Variants in PTPRU observed in about 807,000 individuals in gnomAD.
The protein encoded by PTPRU is receptor-type tyrosine-protein phosphatase U.
A neutral mutation model predicts 166.3 loss-of-function variants in PTPRU; 69 were observed. The observed-to-expected ratio is 0.41, with a 90% CI of 0.34 to 0.51. The LOEUF is 0.51. Among genes scored for constraint, PTPRU ranks in the 20% least tolerant of loss-of-function variants. PTPRU has a pLI of 0.09. For missense variants in PTPRU, 1,657 were observed against 2,013.7 expected (o/e 0.82, Z 3.39); for synonymous variants, 793 against 814.0 (o/e 0.97, Z 0.44).
rs1368088499 is a variant in PTPRU at position 29,238,000 on chromosome 1, G to T, written c.73+1283G>T. Among the ~76,000 whole-genome samples, 2 of 150,978 alleles carry T rather than the reference G, an allele frequency of 1.3e-5. No individual in the cohort carries two copies. The highest frequency in any genetic ancestry group is 2.4e-5 in the African/African-American group (1 of 41,172). The stretch of plus-strand genomic sequence containing the variant: ...CGCGCGGGGGACGCCCGGGCCTCCC[G>T]GGACACTCCCTTGGTGGAGCCTGCA... On this transcript the variant is annotated intron_variant, in intron 1 of 29. Coordinates refer to ENST00000373779, the MANE Select transcript of PTPRU (RefSeq NM_133178.4). The surrounding 1 kb of genome is among the most constrained non-coding windows in gnomAD (Gnocchi z 6.4).
In PTPRU at chr1:29,312,542, G is replaced by T. The variant is rs1687712832; in HGVS notation, c.3073-10G>T. ...AGGGACTCTGATTATTATTCCCATT[G>T]TCTCCCCAGAGAGGCTACTCTGCCC... On this transcript the variant is annotated splice_polypyrimidine_tract_variant and intron_variant, in intron 21 of 29. Transcript: ENST00000373779. 1 of 1,572,732 alleles carries T rather than the reference G, an allele frequency of 6.4e-7. No individual in the cohort carries two copies. Among genetic ancestry groups the T allele is most frequent in the Non-Finnish European group, 8.7e-7 (1 of 1,149,232 alleles).
intron 15 of PTPRU, among the ~76,000 whole-genome samples, chr1:29,295,559 A>G (rs1038618610): frequency 6.6e-6 from 1 of 152,144 alleles, no homozygotes; most frequent in Non-Finnish European, 1.5e-5. Flanking sequence ...ATCTTTTTTT[A>G]GATAGATGTC....
intron 11 of PTPRU, among the ~76,000 whole-genome samples, chr1:29,281,120 G>C (rs892558643): frequency 3.3e-5 from 5 of 152,118 alleles, no homozygotes; most frequent in East Asian, 1.9e-4. Context: ...CTTTAGGTGG[G>C]GGGGGTGTGA....
Position 29,326,229 on chromosome 1 carries a change from C to T in PTPRU, c.*568C>T, listed in dbSNP as rs142215987. The T allele has an allele frequency of 0.017, 3,873 of 225,644 alleles. 25 individuals are homozygous for T. Among genetic ancestry groups the T allele is most frequent in the Non-Finnish European group, 0.024 (2,800 of 116,044 alleles). The allele number at this position is 225,644 out of a possible 1,614,324, so 14.0% of individuals were successfully genotyped here. A position where few individuals can be genotyped will look rare whatever the true frequency, so the allele number is the denominator to read the frequency against. ...CCCAGGGGAACTGCAGCGCCCTCCT[C>T]CCCACTGCCCCCTGCAGCCCCTGAG... On this transcript the variant is annotated 3_prime_UTR_variant, in exon 30 of 30. Transcript: ENST00000373779.
intron 3 of PTPRU, 95 bp from the exon 4 acceptor site, chr1:29,259,146 GGGCTGACCTCTGCTAGTTGA>G: frequency 8.5e-7 from 1 of 1,172,190 alleles, no homozygotes; most frequent in Non-Finnish European, 1.2e-6. Flanking sequence ...AGTGTGAGCT[GGGCTGACCTCTGCTAGTTGA>G]GGCAGAGGAG....
chr1:29,311,617 T>C lies in PTPRU; in HGVS notation c.2956-26T>C. On this transcript the variant is annotated intron_variant, in intron 20 of 29. Transcript: ENST00000373779. The surrounding 1 kb of genome is among the most constrained non-coding windows in gnomAD (Gnocchi z 4.1). The stretch of plus-strand genomic sequence containing the variant: ...GCCAAGGGGGCAGCAAAGAGCCCAC[T>C]GAGTCCCGTCCTGTGGGGCCTCTAG... 2 of 1,613,870 alleles carry C rather than the reference T, an allele frequency of 1.2e-6. No homozygotes were observed. Among genetic ancestry groups the C allele is most frequent in the Non-Finnish European group, 1.7e-6 (2 of 1,179,758 alleles).
At chr1:29,325,475 C>T (rs912879532) in intron 29 of PTPRU, 124 bp from the exon 30 acceptor site, 42 of 1,506,262 alleles carry the variant, frequency 2.8e-5, no homozygotes, top group African/African-American at 1.4e-4. Flanking sequence ...CCATTTCTCC[C>T]TTCTCCCCGA....
rs1349769282 is a variant in PTPRU, at chr1:29,312,494, G to A, written c.3073-58G>A. 12 of 1,488,136 alleles carry A rather than the reference G, an allele frequency of 8.1e-6. No individual in the cohort carries two copies. In the East Asian group the frequency reaches 2.8e-4, roughly 34 times the overall value. 92.2% of individuals were successfully genotyped at this position (1,488,136 alleles called of 1,614,324 possible). A position where few individuals can be genotyped will look rare whatever the true frequency, so the allele number is the denominator to read the frequency against. On this transcript the variant is annotated intron_variant, in intron 21 of 29. Coordinates refer to ENST00000373779, the MANE Select transcript of PTPRU (RefSeq NM_133178.4). ...CTGCAGTGCCTGGCACACAGCAGGT[G>A]TCTAATGGTGACAGATGCTGCCAGG...
intron 8 of PTPRU, 30 bp from the exon 9 acceptor site, chr1:29,278,982 C>T (rs1685937116): frequency 2.0e-6 from 3 of 1,536,816 alleles, no homozygotes. Flanking sequence ...AGCCCACTTT[C>T]CCCTGGCCCC....
rs1390604943 is a variant in PTPRU, at chr1:29,279,013, G to A, written c.1455G>A (p.Val485=). ...KEVTFQTDED[V]PSGIAAESLT... ...GCCCCTGCTGCCTTTCCCTTGCAGT[G>A]CCCAGTGGGATTGCAGCCGAGTCCC... Residue 485 remains valine, a splice_region_variant and synonymous_variant, in exon 9 of 30, where the codon GTG becomes GTA. Coordinates refer to ENST00000373779, the MANE Select transcript of PTPRU (RefSeq NM_133178.4). This position sits in a 1 kb window ranked among gnomAD's most constrained non-coding sequence, Gnocchi z 5.2. 1 of 1,579,016 alleles carries A rather than the reference G, an allele frequency of 6.3e-7. No individual in the cohort carries two copies. The highest frequency in any genetic ancestry group is 1.8e-5 in the Admixed American group (1 of 55,042).
chr1:29,257,603 G>A lies in PTPRU; in HGVS notation c.206-902G>A, dbSNP rs925260907. On this transcript the variant is annotated intron_variant, in intron 2 of 29. Transcript: ENST00000373779. This position sits in a 1 kb window ranked among gnomAD's most constrained non-coding sequence, Gnocchi z 4.6. ...GGACAGGCTGCCTTTCTCCAGGTTG[G>A]AAGTCAAGGGGATTTGTATTCCAGG... Among the ~76,000 whole-genome samples, 2 of 152,224 alleles carry A rather than the reference G, an allele frequency of 1.3e-5. No individual in the cohort carries two copies. Among genetic ancestry groups the A allele is most frequent in the Admixed American group, 1.3e-4 (2 of 15,286 alleles).
Position 29,259,980 on chromosome 1 carries a change from C to T in PTPRU, c.786C>T (p.Tyr262=). The change falls in exon 6 of 30, where the codon TAC becomes TAT. Residue 262 remains tyrosine, a synonymous_variant. Coordinates refer to ENST00000373779, the MANE Select transcript of PTPRU (RefSeq NM_133178.4). ...AAVSRAEQDL[Y]RCVSQAPRGA... ...TGAGCCGCGCCGAGCAGGACCTGTA[C>T]CGCTGTGTGTCCCAGGCCCCGCGCG... The T allele has an allele frequency of 6.4e-7, 1 of 1,557,820 alleles. No individual in the cohort carries two copies. Among genetic ancestry groups the T allele is most frequent in the Non-Finnish European group, 8.6e-7 (1 of 1,159,584 alleles).
Position 29,279,459 on chromosome 1 carries a change from A to G in PTPRU, c.1567A>G (p.Ser523Gly), listed in dbSNP as rs776652943. ...PNGLITQYEI[S>G]YQSIESSDPA... ...TGCCTGCCAATCCTGCCCCCAGATC[A>G]GCTACCAGAGCATCGAGTCATCAGA... The change falls in exon 10 of 30, where the codon AGC becomes GGC. Residue 523 changes from serine to glycine, a missense_variant. By Grantham distance (56) the Ser-to-Gly change is moderately conservative. This residue lies in a region of PTPRU where 1,190 missense variants were observed against 1,477.4 expected (regional missense o/e 0.81). Coordinates refer to ENST00000373779, the MANE Select transcript of PTPRU (RefSeq NM_133178.4). The surrounding 1 kb of genome is among the most constrained non-coding windows in gnomAD (Gnocchi z 5.2). The G allele has an allele frequency of 1.2e-6, 2 of 1,614,020 alleles. No individual in the cohort carries two copies. The highest frequency in any genetic ancestry group is 1.7e-6 in the Non-Finnish European group (2 of 1,179,952).
At chr1:29,249,385 C>A (rs1684447385) in intron 1 of PTPRU, among the ~76,000 whole-genome samples, 1 of 152,276 alleles carries the variant, frequency 6.6e-6, no homozygotes. Flanking sequence ...GCCTGCCAGA[C>A]TGGGGAGATT....
chr1:29,248,215 C>G (rs1684383846), intron 1 of PTPRU, among the ~76,000 whole-genome samples: 1 of 152,032 alleles, frequency 6.6e-6, no homozygotes, highest in Non-Finnish European at 1.5e-5. Context: ...GGATGGGGTT[C>G]AAATGCATGA....
Position 29,279,657 on chromosome 1 carries a change from G to A in PTPRU, c.1765G>A (p.Ala589Thr). ...CACTGAGATAACCACTAACATCTCTGGTGAGCCCCACCTGACCCGGCCCAG... is the reference window on the plus strand; with the variant it reads ...CACTGAGATAACCACTAACATCTCTAGTGAGCCCCACCTGACCCGGCCCAG... ...ALTEITTNIS[A>T]PSFDYADMPS... The change falls in exon 10 of 30, where the codon GCT becomes ACT. Residue 589 changes from alanine to threonine, a missense_variant and splice_region_variant. This residue lies in a region of PTPRU where 1,190 missense variants were observed against 1,477.4 expected (regional missense o/e 0.81). Coordinates refer to ENST00000373779, the MANE Select transcript of PTPRU (RefSeq NM_133178.4). The surrounding 1 kb of genome is among the most constrained non-coding windows in gnomAD (Gnocchi z 5.2). 2 of 1,610,596 alleles carry A rather than the reference G, an allele frequency of 1.2e-6. No homozygotes were observed. The highest frequency in any genetic ancestry group is 1.6e-4 in the Middle Eastern group (1 of 6,062).
At chr1:29,282,987 G>A (rs773527103) in intron 12 of PTPRU, 38 bp downstream of exon 12, 3 of 1,584,510 alleles carry the variant, frequency 1.9e-6, no homozygotes, top group South Asian at 1.1e-5. Context: ...GCGTGGTTGG[G>A]TGTGGGGGGA....
rs1574658455 is a variant in PTPRU, at chr1:29,282,748, C to T, written c.1941C>T (p.Phe647=). The T allele has an allele frequency of 6.2e-7, 1 of 1,613,988 alleles. No individual in the cohort carries two copies. The highest frequency in any genetic ancestry group is 8.5e-7 in the Non-Finnish European group (1 of 1,179,996). ...GGGAGCCAGGTGGACAGGACTGCTT[C>T]CCAGTGCCATTGACCTTCGAGGCGG... ...LRREPGGQDC[F]PVPLTFEAAL... The change falls in exon 12 of 30, where the codon TTC becomes TTT. Residue 647 remains phenylalanine (F), a synonymous_variant. Coordinates refer to ENST00000373779, the MANE Select transcript of PTPRU (RefSeq NM_133178.4).
intron 1 of PTPRU, among the ~76,000 whole-genome samples, chr1:29,242,817 A>G (rs1684115774): frequency 6.6e-6 from 1 of 151,978 alleles, no homozygotes; most frequent in Non-Finnish European, 1.5e-5. Flanking sequence ...CCTTCTCTGC[A>G]GCCTTATTAG....
Sources: gnomAD v4.1 joint callset for allele counts (sites outside exome capture counted in the v4.1 genomes callset) on GRCh38, gnomAD v4.1.1 for gene constraint, gnomAD v4.1.1 regional missense constraint, Gnocchi (gnomAD v3.1) non-coding constraint, MANE v1.5 for transcripts, NCBI Gene and HGNC (gene_info 2026-07-23, HGNC 2026-07-21) for gene names.